Variants in ADCY2 observed in about 807,000 individuals in gnomAD.
The protein encoded by ADCY2 is adenylate cyclase type 2.
ADCY2 carries 31 observed loss-of-function variants against 125.2 expected under a neutral mutation model. That is an observed-to-expected ratio of 0.25 (90% CI 0.19 to 0.33). The LOEUF is 0.33. ADCY2 is among the 10% of genes least tolerant of loss of function. The probability of loss-of-function intolerance (pLI) is 1.00; values close to 1 mark genes in which losing one functional copy is unlikely to be tolerated. For missense variants in ADCY2, 904 were observed against 1,418.2 expected (o/e 0.64, Z 5.82); for synonymous variants, 512 against 548.4 (o/e 0.93, Z 0.93).
intron 23 of ADCY2, 149 bp downstream of exon 23, chr5:7,817,129 A>T (rs1745137561): frequency 3.1e-6 from 2 of 650,220 alleles, no homozygotes; most frequent in East Asian, 5.5e-5. Flanking sequence ...AAGGAAGGAC[A>T]CTTTTGAACA....
intron 14 of ADCY2, among the ~76,000 whole-genome samples, chr5:7,741,112 T>G (rs1742393371): frequency 6.6e-6 from 1 of 151,940 alleles, no homozygotes; most frequent in Non-Finnish European, 1.5e-5. Flanking sequence ...TAAGAAAATA[T>G]TATATAGAAT....
intron 1 of ADCY2, among the ~76,000 whole-genome samples, chr5:7,409,165 T>G (rs1277137038): frequency 6.6e-6 from 1 of 152,024 alleles, no homozygotes; most frequent in Non-Finnish European, 1.5e-5. Context: ...CACTTGTAAG[T>G]GGGAGCTAAA....
intron 2 of ADCY2, among the ~76,000 whole-genome samples, chr5:7,451,316 A>C (rs1269323102): frequency 1.3e-5 from 2 of 152,230 alleles, no homozygotes; most frequent in African/African-American, 4.8e-5. Flanking sequence ...ATTTTGGAAG[A>C]AGTTGAGTTC....
intron 2 of ADCY2, among the ~76,000 whole-genome samples, chr5:7,417,361 G>C (rs911643017): frequency 1.3e-5 from 2 of 152,040 alleles, no homozygotes; most frequent in Admixed American, 1.3e-4. Flanking sequence ...GCTCTTCTGG[G>C]TTCTGTTAGT....
At chr5:7,415,092 CTAAT>C (rs1252428494) in intron 2 of ADCY2, among the ~76,000 whole-genome samples, 3 of 152,038 alleles carry the variant, frequency 2.0e-5, no homozygotes, top group Non-Finnish European at 4.4e-5. Flanking sequence ...AAAATTAAAT[CTAAT>C]TATATGCAAC....
intron 3 of ADCY2, among the ~76,000 whole-genome samples, chr5:7,554,251 A>C (rs1394077907): frequency 6.6e-6 from 1 of 152,228 alleles, no homozygotes; most frequent in East Asian, 1.9e-4. Flanking sequence ...ACGAAAAGTA[A>C]GTAAATAAAG....
In ADCY2 at chr5:7,767,432, A is replaced by G. The variant is rs559226451; in HGVS notation, c.2214+626A>G. Among the ~76,000 whole-genome samples the G allele has an allele frequency of 2.0e-5, 3 of 152,112 alleles. No individual in the cohort carries two copies. The South Asian group carries it at 6.2e-4, about 32-fold the overall frequency. Reference sequence around the variant, plus strand: ...TTGTGGAAAAAAAAAAAGTTTTGCTACTCTCCTTTGCACTTTCCAAATAAT... The same window carrying G: ...TTGTGGAAAAAAAAAAAGTTTTGCTGCTCTCCTTTGCACTTTCCAAATAAT... On this transcript the variant is annotated intron_variant, in intron 17 of 24. Coordinates refer to ENST00000338316, the MANE Select transcript of ADCY2 (RefSeq NM_020546.3).
chr5:7,735,092 A>C (rs1021994756), intron 14 of ADCY2, among the ~76,000 whole-genome samples: 1 of 152,182 alleles, frequency 6.6e-6, no homozygotes, highest in Non-Finnish European at 1.5e-5. Flanking sequence ...GGGAGACAGA[A>C]GCATTAAGCC....
At chr5:7,478,142 A>G (rs111978482) in intron 2 of ADCY2, among the ~76,000 whole-genome samples, 1 of 152,178 alleles carries the variant, frequency 6.6e-6, no homozygotes, top group Non-Finnish European at 1.5e-5. Context: ...ATTTATTAAT[A>G]TCTCCTTCTG....
chr5:7,429,361 G>T (rs1462913340), intron 2 of ADCY2, among the ~76,000 whole-genome samples: 4 of 152,124 alleles, frequency 2.6e-5, no homozygotes, highest in Admixed American at 6.5e-5. Context: ...GAGACAAGAA[G>T]AAAGAAAATG....
intron 3 of ADCY2, among the ~76,000 whole-genome samples, chr5:7,594,244 G>A (rs1736935457): frequency 6.6e-6 from 1 of 152,142 alleles, no homozygotes; most frequent in Non-Finnish European, 1.5e-5. Context: ...TGGTGGCTTG[G>A]ACCTGGGCAT....
At chr5:7,441,588 C>T (rs542500890) in intron 2 of ADCY2, among the ~76,000 whole-genome samples, 146 of 152,168 alleles carry the variant, frequency 9.6e-4, no homozygotes, top group African/African-American at 3.3e-3. Context: ...CATAACTATG[C>T]CCCCATGGTT....
At chr5:7,804,004 C>CTTCTCACTT (rs1294037794) in intron 21 of ADCY2, among the ~76,000 whole-genome samples, 1 of 144,036 alleles carries the variant, frequency 6.9e-6, no homozygotes, top group Non-Finnish European at 1.5e-5. Context: ...AAACAGCAGA[C>CTTCTCACTT]TTCTCACTTC....
intron 2 of ADCY2, among the ~76,000 whole-genome samples, chr5:7,418,645 C>CTTTTTTTT (rs1160037097): frequency 5.4e-5 from 5 of 92,506 alleles, no homozygotes; most frequent in African/African-American, 2.5e-4. Flanking sequence ...AGTCTACCTT[C>CTTTTTTTT]TGTTTTTTTT....
chr5:7,678,201 G>T (rs946575429), intron 4 of ADCY2, among the ~76,000 whole-genome samples: 1 of 152,236 alleles, frequency 6.6e-6, no homozygotes. Flanking sequence ...CTTTGGCAGG[G>T]CTGCAGTTTA....
At chr5:7,556,536 G>T (rs912119377) in intron 3 of ADCY2, among the ~76,000 whole-genome samples, 1 of 152,190 alleles carries the variant, frequency 6.6e-6, no homozygotes, top group African/African-American at 2.4e-5. Context: ...CATACGGGAA[G>T]TTTCAACATT....
chr5:7,539,188 T>G (rs1227146877), intron 3 of ADCY2, among the ~76,000 whole-genome samples: 3 of 152,164 alleles, frequency 2.0e-5, no homozygotes, highest in Non-Finnish European at 4.4e-5. Context: ...TTAGCCACAT[T>G]GTATTTTTAC....
chr5:7,470,552 G>A (rs918418524), intron 2 of ADCY2, among the ~76,000 whole-genome samples: 1 of 147,086 alleles, frequency 6.8e-6, no homozygotes, highest in Admixed American at 6.8e-5. Flanking sequence ...ATTAATATAT[G>A]TATATATTAT....
intron 3 of ADCY2, among the ~76,000 whole-genome samples, chr5:7,557,425 G>C (rs1735560630): frequency 6.6e-6 from 1 of 151,912 alleles, no homozygotes; most frequent in South Asian, 2.1e-4. Context: ...TTGTTATATA[G>C]GTAAACTTGT....
Sources: allele counts gnomAD v4.1 joint callset (sites outside exome capture counted in the v4.1 genomes callset), GRCh38; gene constraint gnomAD v4.1.1; transcripts MANE v1.5; gene names NCBI Gene and HGNC (gene_info 2026-07-23, HGNC 2026-07-21).